SKAP1: variants seen among roughly 807,000 people sequenced by gnomAD.
SKAP1 encodes the protein src kinase-associated phosphoprotein 1.
In SKAP1, 44 loss-of-function variants were observed where a neutral mutation model predicts 58.5. The ratio of observed to expected loss-of-function variants is 0.75; its 90% CI spans 0.59 to 0.97. The LOEUF is 0.97. SKAP1 is among the 50% of genes least tolerant of loss of function. The pLI, the probability that SKAP1 is intolerant of heterozygous loss-of-function variation, is 0.00. For missense variants in SKAP1, 390 were observed against 435.2 expected, an observed-to-expected ratio of 0.90 and a Z score of 0.92; for synonymous variants, 127 against 149.7, an observed-to-expected ratio of 0.85 and a Z score of 1.11.
chr17:48,303,015 G>C (rs2066082256), intron 4 of SKAP1, among the ~76,000 whole-genome samples: 1 of 152,116 alleles, frequency 6.6e-6, no homozygotes, highest in African/African-American at 2.4e-5. Context: ...AAATTTAAAA[G>C]TTGAAATTTA....
chr17:48,363,711 T>C (rs1051506414), intron 3 of SKAP1, 78 bp downstream of exon 3: 1 of 1,262,802 alleles, frequency 7.9e-7, no homozygotes, highest in Non-Finnish European at 1.1e-6. Context: ...TGGAGAAGCT[T>C]GTAGAGAAGA....
intron 4 of SKAP1, among the ~76,000 whole-genome samples, chr17:48,221,369 CA>C (rs2065004978): frequency 1.3e-5 from 2 of 152,140 alleles, no homozygotes; most frequent in Admixed American, 1.3e-4. Context: ...AAAAAACTAT[CA>C]AAGTAGTTTG....
intron 1 of SKAP1, among the ~76,000 whole-genome samples, chr17:48,424,989 G>A (rs2067840813): frequency 6.6e-6 from 1 of 151,806 alleles, no homozygotes; most frequent in Admixed American, 6.6e-5. Context: ...GCCAGGCGGG[G>A]TGACTCATGC....
intron 2 of SKAP1, among the ~76,000 whole-genome samples, chr17:48,396,256 T>C (rs1258653493): frequency 1.3e-5 from 2 of 152,176 alleles, no homozygotes; most frequent in Non-Finnish European, 1.5e-5. Flanking sequence ...ACTTGATAAG[T>C]CTCATTTAAG....
intron 1 of SKAP1, among the ~76,000 whole-genome samples, chr17:48,400,489 G>A (rs2067485009): frequency 6.6e-6 from 1 of 152,048 alleles, no homozygotes; most frequent in South Asian, 2.1e-4. Flanking sequence ...TGGGCATGGT[G>A]GTCCATGCTT....
intron 4 of SKAP1, among the ~76,000 whole-genome samples, chr17:48,201,604 C>T (rs1313225647): frequency 4.6e-5 from 7 of 152,098 alleles, no homozygotes; most frequent in Admixed American, 2.6e-4. Context: ...CCAGGCTGGT[C>T]TTGAACTCCT....
chr17:48,339,599 T>C (rs761843297), intron 4 of SKAP1, among the ~76,000 whole-genome samples: 1 of 152,192 alleles, frequency 6.6e-6, no homozygotes, highest in Non-Finnish European at 1.5e-5. Context: ...TACCAGTGAC[T>C]GAACCTACAT....
intron 4 of SKAP1, among the ~76,000 whole-genome samples, chr17:48,258,513 A>T (rs190340639): frequency 1.3e-5 from 2 of 152,270 alleles, no homozygotes; most frequent in Non-Finnish European, 1.5e-5. Context: ...AATGCACTGC[A>T]TGTTAACAAG....
chr17:48,280,261 G>T (rs1381554976), intron 4 of SKAP1, among the ~76,000 whole-genome samples: 1 of 152,116 alleles, frequency 6.6e-6, no homozygotes, highest in Non-Finnish European at 1.5e-5. Context: ...CTGAGGTCAG[G>T]AGTTTGAGAC....
At chr17:48,382,789 G>A (rs2067232231) in intron 2 of SKAP1, among the ~76,000 whole-genome samples, 1 of 152,148 alleles carries the variant, frequency 6.6e-6, no homozygotes. Context: ...CCATTGAACA[G>A]GTCTAGTACA....
chr17:48,427,142 G>T (rs1224936364), intron 1 of SKAP1, among the ~76,000 whole-genome samples: 4 of 152,032 alleles, frequency 2.6e-5, no homozygotes, highest in Non-Finnish European at 5.9e-5. Context: ...TAACAGTCTG[G>T]TATATATTCT....
At position 48,417,348 on chromosome 17, in the gene SKAP1, T is replaced by C. The variant is rs532511833; in HGVS notation, c.46+12727A>G. On this transcript the variant is annotated intron_variant, in intron 1 of 12. Transcript: ENST00000336915. ...AAACAAAAACCAGAAACTAAAACAATGAGAGTACTTTAGATCAAGTTTTAA... is the reference window on the plus strand; with the variant it reads ...AAACAAAAACCAGAAACTAAAACAACGAGAGTACTTTAGATCAAGTTTTAA... Among the ~76,000 whole-genome samples the C allele has an allele frequency of 6.6e-5, 10 of 152,302 alleles. No homozygotes were observed. The South Asian group carries it at 2.1e-3, about 32-fold the overall frequency.
intron 3 of SKAP1, among the ~76,000 whole-genome samples, chr17:48,357,135 C>G (rs1442672294): frequency 6.6e-6 from 1 of 152,102 alleles, no homozygotes; most frequent in Non-Finnish European, 1.5e-5. Flanking sequence ...TCATGAACAT[C>G]CTTGTACATA....
At chr17:48,374,511 T>C (rs2067129241) in intron 2 of SKAP1, among the ~76,000 whole-genome samples, 1 of 152,148 alleles carries the variant, frequency 6.6e-6, no homozygotes, top group Admixed American at 6.5e-5. Context: ...GCATTGAAAA[T>C]GGAATCTTAG....
chr17:48,272,746 G>A (rs529435586), intron 4 of SKAP1, among the ~76,000 whole-genome samples: 109 of 151,772 alleles, frequency 7.2e-4, no homozygotes, highest in African/African-American at 2.5e-3. Flanking sequence ...TGGTAGAGAC[G>A]GGGTTTCACC....
chr17:48,343,852 A>G (rs1264927468), intron 4 of SKAP1, among the ~76,000 whole-genome samples: 1 of 152,192 alleles, frequency 6.6e-6, no homozygotes, highest in Non-Finnish European at 1.5e-5. Flanking sequence ...AGAGTGGTTA[A>G]GAGCAGAGGT....
intron 1 of SKAP1, among the ~76,000 whole-genome samples, chr17:48,418,724 A>C (rs1278888415): frequency 1.3e-5 from 2 of 152,272 alleles, no homozygotes; most frequent in Admixed American, 6.5e-5. Context: ...GAATGGATAA[A>C]CAAATTGTGG....
At chr17:48,251,895 T>C (rs1417578134) in intron 4 of SKAP1, among the ~76,000 whole-genome samples, 2 of 152,260 alleles carry the variant, frequency 1.3e-5, no homozygotes, top group African/African-American at 4.8e-5. Context: ...TTCAAAATTA[T>C]CTTTTAAATT....
chr17:48,268,320 G>A (rs1344871551), intron 4 of SKAP1, among the ~76,000 whole-genome samples: 2 of 149,260 alleles, frequency 1.3e-5, no homozygotes, highest in Non-Finnish European at 3.0e-5. Flanking sequence ...CTAGTCAAAA[G>A]TCCTAAATGA....
Sources: allele counts gnomAD v4.1 joint callset (sites outside exome capture counted in the v4.1 genomes callset), GRCh38; gene constraint gnomAD v4.1.1; transcripts MANE v1.5; gene names NCBI Gene and HGNC (gene_info 2026-07-23, HGNC 2026-07-21).